Variants in ARID2 observed in about 807,000 individuals in gnomAD.
The protein encoded by ARID2 is AT-rich interaction domain 2.
ARID2 carries 32 observed loss-of-function variants against 184.6 expected under a neutral mutation model. The observed-to-expected ratio is 0.17, with a 90% CI of 0.13 to 0.23. The LOEUF (loss-of-function observed/expected upper bound fraction) is 0.23, where lower values mean the gene tolerates loss of function less well. Ranked by LOEUF, ARID2 falls within the 10% of genes least tolerant of loss-of-function variation. ARID2 has a pLI of 1.00. For missense variants in ARID2, 1,696 were observed against 2,197.6 expected, an observed-to-expected ratio of 0.77 and a Z score of 4.56; for synonymous variants, 836 against 772.6, an observed-to-expected ratio of 1.08 and a Z score of -1.36.
chr12:45,895,408 G>A (rs1466052129), intron 20 of ARID2, among the ~76,000 whole-genome samples: 1 of 152,202 alleles, frequency 6.6e-6, no homozygotes, highest in East Asian at 1.9e-4. Flanking sequence ...TGAGCTCTTT[G>A]AAGGTAGGGA....
intron 16 of ARID2, among the ~76,000 whole-genome samples, chr12:45,890,767 G>A (rs1349034351): frequency 6.6e-6 from 1 of 151,622 alleles, no homozygotes. Context: ...ATTAATTTGG[G>A]ATACTAGATA....
At chr12:45,780,265 A>G (rs1184796273) in intron 3 of ARID2, among the ~76,000 whole-genome samples, 1 of 152,250 alleles carries the variant, frequency 6.6e-6, no homozygotes, top group East Asian at 1.9e-4. Context: ...TATCTTGAAA[A>G]TTAAAATAAC....
chr12:45,873,355 T>C (rs1943955529), intron 16 of ARID2, among the ~76,000 whole-genome samples: 1 of 152,266 alleles, frequency 6.6e-6, no homozygotes, highest in Admixed American at 6.5e-5. Context: ...ATTTTCACTG[T>C]AGTTGCATTG....
Position 45,771,787 on chromosome 12 carries a change from A to G in ARID2, c.285-39631A>G, listed in dbSNP as rs1225851269. Reference sequence around the variant, plus strand: ...GAGGAAAATTTGTTGGCACAAAACTACTTAACTGAGGAAATGACTCTTGAT... The same window carrying G: ...GAGGAAAATTTGTTGGCACAAAACTGCTTAACTGAGGAAATGACTCTTGAT... On this transcript the variant is annotated intron_variant, in intron 3 of 20. Transcript: ENST00000334344. Among the ~76,000 whole-genome samples, 3 of 152,176 alleles carry G rather than the reference A, an allele frequency of 2.0e-5. No individual in the cohort carries two copies. The South Asian group carries it at 6.2e-4, about 32-fold the overall frequency.
At chr12:45,895,782 C>T (rs1434539879) in intron 20 of ARID2, among the ~76,000 whole-genome samples, 2 of 152,204 alleles carry the variant, frequency 1.3e-5, no homozygotes, top group African/African-American at 4.8e-5. Context: ...ATCCACCTGC[C>T]TCGGCCTCCC....
chr12:45,806,757 T>G (rs1942610659), intron 3 of ARID2, among the ~76,000 whole-genome samples: 1 of 152,182 alleles, frequency 6.6e-6, no homozygotes, highest in Non-Finnish European at 1.5e-5. Context: ...TGTTTTCATC[T>G]TGAAGTTATC....
intron 3 of ARID2, among the ~76,000 whole-genome samples, chr12:45,758,000 G>T (rs893491800): frequency 6.6e-6 from 1 of 152,142 alleles, no homozygotes; most frequent in Admixed American, 6.5e-5. Context: ...TCACAAAAAT[G>T]AATAGTCATT....
chr12:45,743,368 C>CA lies in ARID2; in HGVS notation c.284+12063dup, dbSNP rs1248717726. 8.0e-5 allele frequency among the ~76,000 whole-genome samples: 12 copies of CA among 150,262 alleles called. No homozygotes were observed. In the South Asian group the frequency reaches 1.9e-3, roughly 24 times the overall value. ...TGGGTGACTGAGCAAGACTCTGTCTCAAAAAAAAAGAGAGACAAATTTTAC... is the reference window on the plus strand; with the variant it reads ...TGGGTGACTGAGCAAGACTCTGTCTCAAAAAAAAAAGAGAGACAAATTTTAC... On this transcript the variant is annotated intron_variant, in intron 3 of 20. Coordinates refer to ENST00000334344, the MANE Select transcript of ARID2 (RefSeq NM_152641.4).
intron 6 of ARID2, among the ~76,000 whole-genome samples, chr12:45,823,542 C>T (rs1942937434): frequency 6.6e-6 from 1 of 151,782 alleles, no homozygotes; most frequent in Admixed American, 6.6e-5. Flanking sequence ...AATTGAGAAA[C>T]CACTAGCTAG....
chr12:45,865,991 A>G (rs1416808847), intron 16 of ARID2, among the ~76,000 whole-genome samples: 2 of 152,120 alleles, frequency 1.3e-5, no homozygotes, highest in African/African-American at 4.8e-5. Flanking sequence ...ATCAGAAGAT[A>G]ACCATGGTTG....
chr12:45,888,123 A>T (rs1008580742), intron 16 of ARID2, among the ~76,000 whole-genome samples: 17 of 150,194 alleles, frequency 1.1e-4, no homozygotes, highest in Non-Finnish European at 2.1e-4. Flanking sequence ...TGAACCTGGG[A>T]GGCGGAGCTT....
At chr12:45,829,483 T>C (rs1308245753) in intron 6 of ARID2, among the ~76,000 whole-genome samples, 1 of 152,022 alleles carries the variant, frequency 6.6e-6, no homozygotes, top group Admixed American at 6.6e-5. Flanking sequence ...GTATTTCATC[T>C]CCCTTCTGAG....
chr12:45,730,254 C>T lies in ARID2; in HGVS notation c.186+117C>T, dbSNP rs1940954805. ...GTGGCCCGCGGGGGCAAAAGGCGTT[C>T]TTTTCGCTCCCAGCCGGTGGCACGG... On this transcript the variant is annotated intron_variant, in intron 2 of 20. Coordinates refer to ENST00000334344, the MANE Select transcript of ARID2 (RefSeq NM_152641.4). 4 of 913,916 alleles carry T rather than the reference C, an allele frequency of 4.4e-6. No individual in the cohort carries two copies. The East Asian group carries it at 1.2e-4, about 28-fold the overall frequency. The allele number at this position is 913,916 out of a possible 1,614,324, so 56.6% of individuals were successfully genotyped here.
chr12:45,864,890 T>A (rs1046216114), intron 16 of ARID2, among the ~76,000 whole-genome samples: 4 of 152,196 alleles, frequency 2.6e-5, no homozygotes, highest in African/African-American at 7.2e-5. Context: ...TTCCCTTATT[T>A]ACCAGTTTTC....
chr12:45,828,481 A>G (rs1294715627), intron 6 of ARID2, among the ~76,000 whole-genome samples: 1 of 152,036 alleles, frequency 6.6e-6, no homozygotes, highest in Non-Finnish European at 1.5e-5. Flanking sequence ...TAATTGACCT[A>G]GGAGTGTTAA....
At chr12:45,891,020 C>T (rs1302140776) in intron 16 of ARID2, among the ~76,000 whole-genome samples, 1 of 152,084 alleles carries the variant, frequency 6.6e-6, no homozygotes, top group Non-Finnish European at 1.5e-5. Flanking sequence ...CAAAAATTAG[C>T]CGCGCATGGT....
intron 13 of ARID2, among the ~76,000 whole-genome samples, chr12:45,849,340 T>TAAA (rs1943498243): frequency 5.3e-5 from 8 of 152,214 alleles, no homozygotes; most frequent in Admixed American, 5.2e-4. Flanking sequence ...TATCTTTTAT[T>TAAA]AGTTATATGT....
chr12:45,905,844 T>C lies in ARID2; in HGVS notation c.*766T>C. 4.3e-6 allele frequency: 1 copy of C among 233,058 alleles called. No individual in the cohort carries two copies. Among genetic ancestry groups the C allele is most frequent in the Non-Finnish European group, 8.5e-6 (1 of 117,720 alleles). 14.4% of individuals were successfully genotyped at this position (233,058 alleles called of 1,614,324 possible). The stretch of plus-strand genomic sequence containing the variant: ...ATTGTGATATATTCTATGCAGTGGA[T>C]GAATGTTCTTTAAATTTGTGTAAAT... On this transcript the variant is annotated 3_prime_UTR_variant, in exon 21 of 21. Transcript: ENST00000334344.
In ARID2 at chr12:45,852,815, T is replaced by G. The variant is rs1042420209; in HGVS notation, c.4692T>G (p.Thr1564=). The change falls in exon 15 of 21, where the codon ACT becomes ACG. Residue 1564 remains threonine, a synonymous_variant. Coordinates refer to ENST00000334344, the MANE Select transcript of ARID2 (RefSeq NM_152641.4). ...TGCCAGCAGGAGCAGATCCAAGCAC[T>G]GTAGCTAAAGTAGCAATAGAAAGTG... The part of the protein sequence containing the change: ...VAVPAGADPS[T]VAKVAIESAV... 8.1e-6 allele frequency: 13 copies of G among 1,613,900 alleles called. No homozygotes were observed. In the African/African-American group the frequency reaches 1.6e-4, roughly 20 times the overall value.
Sources: gnomAD v4.1 joint callset for allele counts (sites outside exome capture counted in the v4.1 genomes callset) on GRCh38, gnomAD v4.1.1 for gene constraint, MANE v1.5 for transcripts, NCBI Gene and HGNC (gene_info 2026-07-23, HGNC 2026-07-21) for gene names.